FOXP2: variants seen among roughly 807,000 people sequenced by gnomAD.
FOXP2 encodes the protein forkhead box P2.
A neutral mutation model predicts 115.8 loss-of-function variants in FOXP2; 12 were observed. That is an observed-to-expected ratio of 0.10 (90% CI 0.07 to 0.17). FOXP2 has a LOEUF of 0.17. Ranked by LOEUF, FOXP2 falls within the 10% of genes least tolerant of loss-of-function variation. The pLI is 1.00. For missense variants in FOXP2, 629 were observed against 843.5 expected (o/e 0.75, Z 3.15); for synonymous variants, 328 against 297.7 (o/e 1.10, Z -1.05).
intron 3 of FOXP2, among the ~76,000 whole-genome samples, chr7:114,550,195 G>C (rs1017390419): frequency 1.4e-5 from 2 of 141,610 alleles, no homozygotes; most frequent in Non-Finnish European, 3.0e-5. Flanking sequence ...TCGGCTCACT[G>C]CAAGCTCCGC....
chr7:114,253,888 C>T (rs561503417), intron 1 of FOXP2, among the ~76,000 whole-genome samples: 9 of 152,258 alleles, frequency 5.9e-5, no homozygotes, highest in South Asian at 2.1e-4. Context: ...TTCCTAGCCT[C>T]GATGGTCTTT....
At chr7:114,582,782 G>C (rs951938820) in intron 3 of FOXP2, among the ~76,000 whole-genome samples, 1 of 152,090 alleles carries the variant, frequency 6.6e-6, no homozygotes, top group Non-Finnish European at 1.5e-5. Context: ...TAACAGGAGA[G>C]AATTATATGC....
intron 2 of FOXP2, among the ~76,000 whole-genome samples, chr7:114,434,459 A>G (rs944204198): frequency 4.0e-5 from 6 of 150,868 alleles, no homozygotes; most frequent in African/African-American, 1.5e-4. Context: ...GATAAGGTAC[A>G]GCAATTTGGT....
At chr7:114,167,770 A>G (rs1175565420) in intron 1 of FOXP2, among the ~76,000 whole-genome samples, 1 of 151,864 alleles carries the variant, frequency 6.6e-6, no homozygotes, top group African/African-American at 2.4e-5. Flanking sequence ...CCCTGTCTCT[A>G]CTAAAAATAC....
At chr7:114,285,741 T>G (rs1204692321) in intron 1 of FOXP2, among the ~76,000 whole-genome samples, 1 of 151,978 alleles carries the variant, frequency 6.6e-6, no homozygotes, top group African/African-American at 2.4e-5. Flanking sequence ...TGCTAGTGAT[T>G]TTATGAGTTT....
intron 2 of FOXP2, among the ~76,000 whole-genome samples, chr7:114,402,793 T>C (rs1792917633): frequency 6.6e-6 from 1 of 151,810 alleles, no homozygotes; most frequent in Non-Finnish European, 1.5e-5. Context: ...CACCCGGATA[T>C]TGATTTTTGT....
chr7:114,237,793 G>A (rs1795050202), intron 1 of FOXP2, among the ~76,000 whole-genome samples: 1 of 152,054 alleles, frequency 6.6e-6, no homozygotes, highest in African/African-American at 2.4e-5. Flanking sequence ...GGGCAACATG[G>A]TGAAACACCC....
At chr7:114,332,290 A>G (rs978420454) in intron 2 of FOXP2, among the ~76,000 whole-genome samples, 3 of 152,100 alleles carry the variant, frequency 2.0e-5, no homozygotes, top group African/African-American at 7.2e-5. Flanking sequence ...GGAAGAGTAA[A>G]ATGTCTCCCC....
chr7:114,569,713 T>A (rs1801196266), intron 3 of FOXP2, among the ~76,000 whole-genome samples: 1 of 151,904 alleles, frequency 6.6e-6, no homozygotes, highest in African/African-American at 2.4e-5. Flanking sequence ...GGGAAAAGGA[T>A]ATTTTGGAAG....
intron 3 of FOXP2, among the ~76,000 whole-genome samples, chr7:114,593,862 A>G (rs1158812002): frequency 6.6e-6 from 1 of 152,062 alleles, no homozygotes; most frequent in African/African-American, 2.4e-5. Flanking sequence ...CTAAAAATGT[A>G]TAGACGCTAA....
upstream of FOXP2, among the ~76,000 whole-genome samples, chr7:114,161,532 CAATAGTTTTTTTTTTTAATA>C (rs1792830580): frequency 1.6e-5 from 1 of 61,362 alleles, no homozygotes; most frequent in South Asian, 4.5e-4. Flanking sequence ...TATTTTCTCA[CAATAGTTTTTTTTTTTAATA>C]AATACCACCA....
chr7:114,344,318 C>T (rs779661525), intron 2 of FOXP2, among the ~76,000 whole-genome samples: 4 of 151,744 alleles, frequency 2.6e-5, no homozygotes, highest in Non-Finnish European at 5.9e-5. Context: ...AAACTTTAAA[C>T]TGTAGCTCTG....
At chr7:114,528,736 A>C (rs1798992642) in intron 2 of FOXP2, among the ~76,000 whole-genome samples, 1 of 151,936 alleles carries the variant, frequency 6.6e-6, no homozygotes, top group Non-Finnish European at 1.5e-5. Flanking sequence ...TGAGTCTTCA[A>C]TACATATCCA....
At chr7:114,367,833 CTAAA>C (rs988731451) in intron 2 of FOXP2, among the ~76,000 whole-genome samples, 51 of 152,274 alleles carry the variant, frequency 3.3e-4, no homozygotes, top group African/African-American at 1.2e-3. Flanking sequence ...AGAGAGATGA[CTAAA>C]TAAGCACTAT....
chr7:114,662,487 CCTGTTTTTATACAATACAGTAG>C (rs1292269726), intron 14 of FOXP2, among the ~76,000 whole-genome samples: 3 of 151,958 alleles, frequency 2.0e-5, no homozygotes. Flanking sequence ...AGAGACACTT[CCTGTTTTTATACAATACAGTAG>C]CTTCCAGTAG....
At chr7:114,248,248 A>G (rs555849028) in intron 1 of FOXP2, among the ~76,000 whole-genome samples, 10 of 151,798 alleles carry the variant, frequency 6.6e-5, no homozygotes, top group Non-Finnish European at 1.3e-4. Flanking sequence ...TTGTTCAGCT[A>G]TTTATTCTAT....
rs149551112 is a variant in FOXP2, at chr7:114,533,119, C to G, written c.169-1498C>G. ...TACTTGAAAAGTTAAAAAACAACAA[C>G]AAAGATGATTATCGTGAGTGAGTGT... On this transcript the variant is annotated intron_variant, in intron 2 of 16. Transcript: ENST00000350908. 4.2e-3 allele frequency among the ~76,000 whole-genome samples: 631 copies of G among 151,924 alleles called. 7 individuals carry two copies. The highest frequency in any genetic ancestry group is 0.014 in the African/African-American group (598 of 41,474).
chr7:114,379,480 C>G (rs1305259398), intron 2 of FOXP2, among the ~76,000 whole-genome samples: 1 of 152,040 alleles, frequency 6.6e-6, no homozygotes, highest in Admixed American at 6.6e-5. Flanking sequence ...ACTCTAACTG[C>G]TTCCTGCTGA....
At chr7:114,619,704 T>C (rs560662809) in intron 3 of FOXP2, among the ~76,000 whole-genome samples, 18 of 152,174 alleles carry the variant, frequency 1.2e-4, no homozygotes, top group African/African-American at 4.1e-4. Flanking sequence ...TCTTTTCCGA[T>C]TTCTGTTCAG....
Sources: gnomAD v4.1 joint callset for allele counts (sites outside exome capture counted in the v4.1 genomes callset) on GRCh38, gnomAD v4.1.1 for gene constraint, MANE v1.5 for transcripts, NCBI Gene and HGNC (gene_info 2026-07-23, HGNC 2026-07-21) for gene names.